Variants in PLSCR2 observed in about 807,000 individuals in gnomAD.
PLSCR2 encodes the protein PL scramblase 2.
PLSCR2 carries 18 observed loss-of-function variants against 25.3 expected under a neutral mutation model. The ratio of observed to expected loss-of-function variants is 0.71; its 90% CI spans 0.49 to 1.06. The LOEUF is 1.06. PLSCR2 is among the 50% of genes least tolerant of loss of function. The pLI is 0.00. For synonymous variants in PLSCR2, 88 were observed against 87.3 expected, an observed-to-expected ratio of 1.01 and a Z score of -0.04; for missense variants, 243 against 269.5, an observed-to-expected ratio of 0.90 and a Z score of 0.69.
At chr3:146,395,438 G>A (rs911022782) in intron 3 of PLSCR2, among the ~76,000 whole-genome samples, 1 of 152,236 alleles carries the variant, frequency 6.6e-6, no homozygotes, top group Non-Finnish European at 1.5e-5. Context: ...AGTGTAACAA[G>A]CATGTATTAA....
At chr3:146,401,147 A>C (rs2038459419) in intron 2 of PLSCR2, among the ~76,000 whole-genome samples, 1 of 152,050 alleles carries the variant, frequency 6.6e-6, no homozygotes, top group African/African-American at 2.4e-5. Context: ...TAGAATAGAA[A>C]ACATCTAAAG....
downstream of PLSCR2, among the ~76,000 whole-genome samples, chr3:146,429,774 C>T (rs544965407): frequency 2.7e-3 from 417 of 152,022 alleles, 4 homozygotes; most frequent in Middle Eastern, 0.034. Flanking sequence ...TATAGGCGCC[C>T]GCCACCACAC....
intron 2 of PLSCR2, among the ~76,000 whole-genome samples, chr3:146,408,635 T>G (rs897275425): frequency 7.9e-5 from 12 of 152,136 alleles, no homozygotes; most frequent in African/African-American, 1.2e-4. Context: ...TATCTGGGGC[T>G]TCCTGAGCCA....
intron 1 of PLSCR2, among the ~76,000 whole-genome samples, chr3:146,485,378 T>A (rs999425894): frequency 6.6e-6 from 1 of 152,038 alleles, no homozygotes; most frequent in African/African-American, 2.4e-5. Context: ...ACTGTAAATA[T>A]TAGACAGATC....
Position 146,489,236 on chromosome 3 carries a change from C to A in PLSCR2, c.-293+6659G>T, listed in dbSNP as rs540513009. The stretch of plus-strand genomic sequence containing the variant: ...GTGGGGCTTAATACCTAGGTGATGG[C>A]TTGATGGTTGCAGCAAACCACCATG... On this transcript the variant is annotated intron_variant, in intron 1 of 8. Transcript: ENST00000336685. Among the ~76,000 whole-genome samples, 4 of 152,098 alleles carry A rather than the reference C, an allele frequency of 2.6e-5. No homozygotes were observed. In the East Asian group the frequency reaches 5.8e-4, roughly 22 times the overall value.
chr3:146,462,468 C>CT (rs35843946), upstream of PLSCR2, among the ~76,000 whole-genome samples: 646 of 145,032 alleles, frequency 4.5e-3, 4 homozygotes, highest in Middle Eastern at 0.014. Flanking sequence ...TCTTTTCTTT[C>CT]TTTTTTTTTT....
At chr3:146,453,161 A>T (rs1436714977) in intron 5 of PLSCR2, among the ~76,000 whole-genome samples, 1 of 152,164 alleles carries the variant, frequency 6.6e-6, no homozygotes, top group African/African-American at 2.4e-5. Context: ...AGGATGCAAC[A>T]GAATGAAACT....
At position 146,393,053 on chromosome 3, in the gene PLSCR2, G is replaced by A. The variant is rs1448369033; in HGVS notation, c.*146-1491C>T. Reference sequence around the variant, plus strand: ...TTTTTTTTTTTTTTTTTTTGAGACAGAGTCTCGCTCTGTTGTCCAGGCTGG... The same window carrying A: ...TTTTTTTTTTTTTTTTTTTGAGACAAAGTCTCGCTCTGTTGTCCAGGCTGG... On this transcript the variant is annotated intron_variant and NMD_transcript_variant, in intron 3 of 3. Transcript: ENST00000463633. 3.1e-4 allele frequency among the ~76,000 whole-genome samples: 35 copies of A among 111,614 alleles called. No homozygotes were observed. In the East Asian group the frequency reaches 8.1e-3, roughly 26 times the overall value. The allele number at this position is 111,614 out of a possible 152,430, so 73.2% of individuals were successfully genotyped here.
At chr3:146,440,872 T>A (rs967466599), downstream of PLSCR2, among the ~76,000 whole-genome samples, 2 of 152,212 alleles carry the variant, frequency 1.3e-5, no homozygotes, top group African/African-American at 4.8e-5. Flanking sequence ...ACTAATGAAG[T>A]ATGCTTTGTA....
At chr3:146,445,151 T>A (rs1297540308) in intron 6 of PLSCR2, among the ~76,000 whole-genome samples, 1 of 152,164 alleles carries the variant, frequency 6.6e-6, no homozygotes, top group Non-Finnish European at 1.5e-5. Flanking sequence ...TTATTTTTAA[T>A]AGGCTCATCT....
chr3:146,427,033 C>T (rs1053252852), intron 2 of PLSCR2, among the ~76,000 whole-genome samples: 1 of 152,134 alleles, frequency 6.6e-6, no homozygotes, highest in Non-Finnish European at 1.5e-5. Flanking sequence ...AGAATGCATG[C>T]ATTTTAAAAA....
upstream of PLSCR2, among the ~76,000 whole-genome samples, chr3:146,463,403 C>T (rs776372578): frequency 5.9e-5 from 9 of 152,180 alleles, no homozygotes; most frequent in Non-Finnish European, 1.3e-4. Context: ...GATCTGCCCG[C>T]GTCGGCCTCC....
At chr3:146,462,950 T>G (rs1471848589), upstream of PLSCR2, among the ~76,000 whole-genome samples, 1 of 152,156 alleles carries the variant, frequency 6.6e-6, no homozygotes, top group Non-Finnish European at 1.5e-5. Context: ...CAGGAATGGT[T>G]CAGCTAAAGA....
At chr3:146,483,212 A>T (rs1463111222) in intron 1 of PLSCR2, among the ~76,000 whole-genome samples, 4 of 147,380 alleles carry the variant, frequency 2.7e-5, no homozygotes, top group Non-Finnish European at 1.5e-5. Context: ...AAACAACCCC[A>T]TCAAAAAGTG....
intron 1 of PLSCR2, among the ~76,000 whole-genome samples, chr3:146,492,698 A>G (rs952603803): frequency 1.5e-4 from 23 of 152,188 alleles, no homozygotes; most frequent in African/African-American, 5.3e-4. Context: ...GAAGTTAGAA[A>G]GTACTCAAAT....
chr3:146,418,974 T>C (rs1481347949), intron 2 of PLSCR2, among the ~76,000 whole-genome samples: 1 of 152,152 alleles, frequency 6.6e-6, no homozygotes, highest in Non-Finnish European at 1.5e-5. Context: ...CCATTCCCTT[T>C]GCCTTCTCTC....
At chr3:146,455,278 T>C in exon 4 of PLSCR2, 2 of 1,614,058 alleles carry the variant, frequency 1.2e-6, no homozygotes, top group Non-Finnish European at 1.7e-6. Context: ...AGTTACATCT[T>C]AGTGGTCTTT....
chr3:146,403,994 T>A (rs559662897), intron 2 of PLSCR2, among the ~76,000 whole-genome samples: 16 of 152,268 alleles, frequency 1.1e-4, no homozygotes, highest in Admixed American at 2.0e-4. Context: ...CCCTGACTCA[T>A]TTCATAACCA....
chr3:146,427,855 C>G (rs1227676709), intron 2 of PLSCR2, among the ~76,000 whole-genome samples: 1 of 152,060 alleles, frequency 6.6e-6, no homozygotes, highest in Admixed American at 6.6e-5. Context: ...CTAACAAAAC[C>G]AATAGCCCAG....
Sources: allele counts gnomAD v4.1 joint callset (sites outside exome capture counted in the v4.1 genomes callset), GRCh38; gene constraint gnomAD v4.1.1; transcripts MANE v1.5; gene names NCBI Gene and HGNC (gene_info 2026-07-23, HGNC 2026-07-21).